The following WDR82 variants were observed in gnomAD, a reference collection of about 807,000 sequenced individuals.
WDR82 encodes the protein WD repeat-containing protein 82.
In WDR82, 8 loss-of-function variants were observed where a neutral mutation model predicts 36.1. That is an observed-to-expected ratio of 0.22 (90% CI 0.13 to 0.40). WDR82 has a LOEUF of 0.40. Ranked by LOEUF, WDR82 falls within the 10% of genes least tolerant of loss-of-function variation. The pLI, the probability that WDR82 is intolerant of heterozygous loss-of-function variation, is 1.00. For missense variants in WDR82, 185 were observed against 400.5 expected (o/e 0.46, Z 4.59); for synonymous variants, 129 against 137.8 (o/e 0.94, Z 0.45).
intron 6 of WDR82, 62 bp from the exon 7 acceptor site, chr3:52,259,328 C>G: frequency 6.7e-7 from 1 of 1,498,556 alleles, no homozygotes; most frequent in Non-Finnish European, 9.3e-7. Context: ...CAGCTGCCTA[C>G]AAACACTGAC....
intron 4 of WDR82, 85 bp from the exon 5 acceptor site, chr3:52,260,586 G>A (rs1234518094): frequency 3.4e-5 from 29 of 842,456 alleles, no homozygotes; most frequent in Middle Eastern, 2.5e-4. Context: ...GTACAATGGG[G>A]AAAAAAAAAT....
chr3:52,275,663 A>G (rs982418364), intron 1 of WDR82, among the ~76,000 whole-genome samples: 1 of 152,220 alleles, frequency 6.6e-6, no homozygotes, highest in Non-Finnish European at 1.5e-5. Flanking sequence ...AGGCGGGTAG[A>G]TCACGAGATC....
At chr3:52,261,515 A>C (rs770102347) in intron 3 of WDR82, 36 bp from the exon 4 acceptor site, 1 of 1,579,388 alleles carries the variant, frequency 6.3e-7, no homozygotes, top group Admixed American at 1.8e-5. Flanking sequence ...GTTGATGCGA[A>C]ATATTAGCAA....
At chr3:52,267,254 A>G (rs1352789913) in intron 2 of WDR82, 1 of 339,154 alleles carries the variant, frequency 2.9e-6, no homozygotes, top group Non-Finnish European at 5.5e-6. Flanking sequence ...GTTTGAAATG[A>G]CCTTTTATTA....
chr3:52,275,416 A>G (rs1700194316), intron 1 of WDR82, among the ~76,000 whole-genome samples: 1 of 152,216 alleles, frequency 6.6e-6, no homozygotes, highest in African/African-American at 2.4e-5. Flanking sequence ...AGGCCAAACT[A>G]GTACCCAGTT....
chr3:52,272,563 A>G (rs1700164303), intron 1 of WDR82, among the ~76,000 whole-genome samples: 1 of 152,054 alleles, frequency 6.6e-6, no homozygotes, highest in Non-Finnish European at 1.5e-5. Flanking sequence ...AAAAAGAAAA[A>G]TAAAAATTTG....
At position 52,257,290 on chromosome 3, in the gene WDR82, C is replaced by T. The variant is rs1168505537; in HGVS notation, c.*200G>A. On this transcript the variant is annotated 3_prime_UTR_variant, in exon 9 of 9. Coordinates refer to ENST00000296490, the MANE Select transcript of WDR82 (RefSeq NM_025222.4). ...AGCTGAGTTCCAATTGAGTCTGTTG[C>T]ACCAAGAGTCCTTTTGAAGACGCTC... 3 of 663,636 alleles carry T rather than the reference C, an allele frequency of 4.5e-6. No homozygotes were observed. The highest frequency in any genetic ancestry group is 3.6e-5 in the African/African-American group (2 of 54,926). The allele number at this position is 663,636 out of a possible 1,614,324, so 41.1% of individuals were successfully genotyped here. A position where few individuals can be genotyped will look rare whatever the true frequency, so the allele number is the denominator to read the frequency against.
chr3:52,277,542 T>C (rs1400188022), intron 1 of WDR82, among the ~76,000 whole-genome samples: 2 of 152,240 alleles, frequency 1.3e-5, no homozygotes, highest in African/African-American at 2.4e-5. Flanking sequence ...AAGGAAGTTT[T>C]AGATGTTGCT....
At chr3:52,261,973 T>C (rs1198397036) in intron 3 of WDR82, among the ~76,000 whole-genome samples, 2 of 151,818 alleles carry the variant, frequency 1.3e-5, no homozygotes, top group Admixed American at 6.5e-5. Flanking sequence ...ATCTGCACTA[T>C]TCATAACAGC....
intron 3 of WDR82, among the ~76,000 whole-genome samples, chr3:52,265,608 G>A (rs951841092): frequency 2.4e-5 from 3 of 123,580 alleles, no homozygotes; most frequent in Non-Finnish European, 4.8e-5. Context: ...GTCTTGCTCT[G>A]TCACCCAGGC....
rs578048346 is a variant in WDR82 at position 52,256,437 on chromosome 3, A to G, written c.*1053T>C. On this transcript the variant is annotated 3_prime_UTR_variant, in exon 9 of 9. Transcript: ENST00000296490. ...CTGTGCTAAAATACAAACAACAGAA[A>G]TCAAAGGTCATATATAAAAACGCTA... is the stretch of plus-strand genomic sequence containing the variant. The G allele has an allele frequency of 6.5e-6, 1 of 153,914 alleles. No homozygotes were observed. The highest frequency in any genetic ancestry group is 1.5e-5 in the Non-Finnish European group (1 of 68,054). The allele number at this position is 153,914 out of a possible 1,614,324, so 9.5% of individuals were successfully genotyped here.
chr3:52,259,347 T>C, intron 6 of WDR82, 81 bp from the exon 7 acceptor site: 4 of 1,315,568 alleles, frequency 3.0e-6, no homozygotes, highest in Non-Finnish European at 4.4e-6. Flanking sequence ...ACTCAGCACA[T>C]GCATCACCTT....
rs1700110757 is a variant in WDR82 at position 52,266,861 on chromosome 3, C to T, written c.326+91G>A. Reference sequence around the variant, plus strand: ...CCAAGCAGTAGTGAGGAAGTAGCTTCAGTTCACTAATAAGCTCTCTCTAGC... The same window carrying T: ...CCAAGCAGTAGTGAGGAAGTAGCTTTAGTTCACTAATAAGCTCTCTCTAGC... On this transcript the variant is annotated intron_variant, in intron 3 of 8. Coordinates refer to ENST00000296490, the MANE Select transcript of WDR82 (RefSeq NM_025222.4). The T allele has an allele frequency of 3.8e-6, 4 of 1,064,248 alleles. No homozygotes were observed. The East Asian group carries it at 1.0e-4, about 27-fold the overall frequency. 65.9% of individuals were successfully genotyped at this position (1,064,248 alleles called of 1,614,324 possible).
At chr3:52,257,859 A>G (rs1054280490) in intron 8 of WDR82, among the ~76,000 whole-genome samples, 1 of 151,976 alleles carries the variant, frequency 6.6e-6, no homozygotes, top group Admixed American at 6.6e-5. Flanking sequence ...GTTACCTCCA[A>G]CAGGCCCCCA....
intron 3 of WDR82, among the ~76,000 whole-genome samples, chr3:52,265,092 G>A (rs1700093614): frequency 1.3e-5 from 2 of 151,850 alleles, no homozygotes; most frequent in South Asian, 4.1e-4. Context: ...GAGGCGGGCG[G>A]ATCAGGGACC....
intron 2 of WDR82, among the ~76,000 whole-genome samples, chr3:52,269,225 A>G (rs1700132029): frequency 6.6e-6 from 1 of 152,222 alleles, no homozygotes; most frequent in Non-Finnish European, 1.5e-5. Flanking sequence ...CTGTAATCCC[A>G]GCACTTTGGG....
In WDR82 at chr3:52,278,619, C is replaced by T. The variant is rs1013437917; in HGVS notation, c.-258G>A. On this transcript the variant is annotated 5_prime_UTR_variant, in exon 1 of 9. Transcript: ENST00000296490. ...CGGCGCGTCGCCGGCTCATTGTGTCCGCCATTTTGGGGCGACAGGCAGAAG... is the reference window on the plus strand; with the variant it reads ...CGGCGCGTCGCCGGCTCATTGTGTCTGCCATTTTGGGGCGACAGGCAGAAG... 5.0e-6 allele frequency: 2 copies of T among 399,386 alleles called. No homozygotes were observed. Among genetic ancestry groups the T allele is most frequent in the East Asian group, 3.6e-5 (1 of 28,008 alleles). The allele number at this position is 399,386 out of a possible 1,614,324, so 24.7% of individuals were successfully genotyped here. A position where few individuals can be genotyped will look rare whatever the true frequency, so the allele number is the denominator to read the frequency against.
In WDR82 at chr3:52,260,479, T is replaced by C; in HGVS notation, c.449A>G (p.Lys150Arg). The C allele has an allele frequency of 6.3e-7, 1 of 1,590,232 alleles. No individual in the cohort carries two copies. Among genetic ancestry groups the C allele is most frequent in the Non-Finnish European group, 8.5e-7 (1 of 1,172,154 alleles). Residue 150 changes from lysine to arginine, a missense_variant, in exon 5 of 9, where the codon AAG becomes AGG. Lys to Arg is a conservative substitution (Grantham distance 26, BLOSUM62 2). Around this residue, in one of 3 missense-constraint regions of WDR82, gnomAD observed 110 missense variants for 212.6 expected, o/e 0.52. Transcript: ENST00000296490. ...NCQGLMHLQGKPVCSFDPEGL... is the reference protein window; with the variant it reads ...NCQGLMHLQGRPVCSFDPEGL... ...TTCTGGATCAAAAGAACAAACTGGC[T>C]TCCCCTGCAGATGCATGAGGCCCTA...
At chr3:52,264,997 G>A (rs1430946831) in intron 3 of WDR82, among the ~76,000 whole-genome samples, 2 of 152,008 alleles carry the variant, frequency 1.3e-5, no homozygotes, top group African/African-American at 2.4e-5. Flanking sequence ...CATAAAAGGA[G>A]GGACAAAGTC....
Sources: allele counts gnomAD v4.1 joint callset (sites outside exome capture counted in the v4.1 genomes callset), GRCh38; gene constraint gnomAD v4.1.1; regional missense constraint gnomAD v4.1.1; transcripts MANE v1.5; gene names NCBI Gene and HGNC (gene_info 2026-07-23, HGNC 2026-07-21).